XRRA1: variants seen among roughly 807,000 people sequenced by gnomAD.
XRRA1 encodes the protein X-ray radiation resistance associated 1.
Under a neutral mutation model 80.2 loss-of-function variants are expected in XRRA1, and 69 were observed. That is an observed-to-expected ratio of 0.86 (90% CI 0.71 to 1.05). The LOEUF (loss-of-function observed/expected upper bound fraction) is 1.05. Among genes scored for constraint, XRRA1 ranks in the 50% least tolerant of loss-of-function variants. The pLI is 0.00. For synonymous variants in XRRA1, 348 were observed against 389.9 expected, an observed-to-expected ratio of 0.89 and a Z score of 1.27; for missense variants, 967 against 976.4, an observed-to-expected ratio of 0.99 and a Z score of 0.13.
At chr11:74,902,665 A>AT (rs1208822287) in intron 10 of XRRA1, among the ~76,000 whole-genome samples, 1 of 152,220 alleles carries the variant, frequency 6.6e-6, no homozygotes, top group Non-Finnish European at 1.5e-5. Context: ...TAAGCCAGGC[A>AT]CAGAAGGACA....
chr11:74,846,679 A>C (rs775116195), intron 15 of XRRA1, among the ~76,000 whole-genome samples: 3 of 152,198 alleles, frequency 2.0e-5, no homozygotes, highest in African/African-American at 7.2e-5. Flanking sequence ...ATCTCAGTAG[A>C]CATAGGAAAA....
chr11:74,882,793 C>T (rs1380550151), intron 10 of XRRA1, among the ~76,000 whole-genome samples: 1 of 152,218 alleles, frequency 6.6e-6, no homozygotes, highest in African/African-American at 2.4e-5. Context: ...TGTGCCCCTG[C>T]TGGGGGGGTG....
chr11:74,867,616 G>T (rs1222483466), intron 10 of XRRA1, among the ~76,000 whole-genome samples: 1 of 152,192 alleles, frequency 6.6e-6, no homozygotes, highest in African/African-American at 2.4e-5. Flanking sequence ...TCCCTGAAAT[G>T]CAAGGAGAGA....
intron 6 of XRRA1, among the ~76,000 whole-genome samples, chr11:74,930,047 G>C (rs1943147842): frequency 6.6e-6 from 1 of 151,936 alleles, no homozygotes; most frequent in African/African-American, 2.4e-5. Flanking sequence ...TCCTGCAAGG[G>C]GAGGAAAAAA....
intron 10 of XRRA1, among the ~76,000 whole-genome samples, chr11:74,905,389 C>T (rs1177861633): frequency 6.6e-6 from 1 of 152,156 alleles, no homozygotes; most frequent in African/African-American, 2.4e-5. Context: ...TGAAATCCAT[C>T]TTTCTTTATT....
intron 12 of XRRA1, among the ~76,000 whole-genome samples, chr11:74,855,868 C>T (rs2040961884): frequency 1.3e-5 from 2 of 152,178 alleles, no homozygotes; most frequent in Non-Finnish European, 2.9e-5. Flanking sequence ...GGTGTGGTGG[C>T]TCACGCCTGT....
intron 10 of XRRA1, among the ~76,000 whole-genome samples, chr11:74,886,501 C>T (rs902341592): frequency 7.9e-5 from 12 of 151,576 alleles, no homozygotes; most frequent in African/African-American, 2.9e-4. Flanking sequence ...AATACAGCTA[C>T]GAGGAAGGTG....
At chr11:74,903,030 T>C (rs923624668) in intron 10 of XRRA1, among the ~76,000 whole-genome samples, 1 of 152,184 alleles carries the variant, frequency 6.6e-6, no homozygotes, top group Admixed American at 6.5e-5. Context: ...AATATCACTT[T>C]ACACCTACCC....
intron 2 of XRRA1, 144 bp from the exon 3 acceptor site, chr11:74,941,026 C>T (rs1946237233): frequency 1.6e-6 from 1 of 617,016 alleles, no homozygotes; most frequent in Admixed American, 2.8e-5. Context: ...CCCCACTGCC[C>T]TTGCTTCAGA....
In XRRA1 at chr11:74,884,151, A is replaced by C. The variant is rs116657805; in HGVS notation, c.1004-21130T>G. Among the ~76,000 whole-genome samples the C allele has an allele frequency of 2.5e-3, 377 of 152,268 alleles. 1 individual carries two copies. Among genetic ancestry groups the C allele is most frequent in the African/African-American group, 8.5e-3 (353 of 41,534 alleles). ...TGCACTCCATCCTGGGTGACAAAGC[A>C]TTACTCTGTCTCAAAAAAAAAATTA... On this transcript the variant is annotated intron_variant, in intron 10 of 18. Transcript: ENST00000684022.
intron 1 of XRRA1, among the ~76,000 whole-genome samples, chr11:74,948,012 C>A (rs1292605818): frequency 6.6e-6 from 1 of 152,050 alleles, no homozygotes; most frequent in Non-Finnish European, 1.5e-5. Flanking sequence ...CACGCCCGGC[C>A]GAGATAATTA....
At chr11:74,894,856 G>A (rs2051835990) in intron 10 of XRRA1, among the ~76,000 whole-genome samples, 1 of 152,130 alleles carries the variant, frequency 6.6e-6, no homozygotes, top group African/African-American at 2.4e-5. Flanking sequence ...AATAAAAGAA[G>A]ATATAAAACT....
intron 7 of XRRA1, among the ~76,000 whole-genome samples, chr11:74,923,517 C>G (rs555757360): frequency 6.6e-6 from 1 of 152,210 alleles, no homozygotes; most frequent in Non-Finnish European, 1.5e-5. Flanking sequence ...TGGATTCTAT[C>G]TACCTCCTTA....
chr11:74,851,058 G>T lies in XRRA1; in HGVS notation c.1380+30C>A, dbSNP rs760665225. The T allele has an allele frequency of 2.5e-6, 4 of 1,571,222 alleles. No homozygotes were observed. In the South Asian group the frequency reaches 4.6e-5, roughly 18 times the overall value. On this transcript the variant is annotated intron_variant, in intron 14 of 18. Coordinates refer to ENST00000684022, the MANE Select transcript of XRRA1 (RefSeq NM_001378157.1). ...ATTATAATAGGCTGCACTCTTCCTG[G>T]GGGTGGGAGTCCTGCCTTGGAAGCC...
Position 74,927,335 on chromosome 11 carries a change from C to T in XRRA1, c.522+56G>A, listed in dbSNP as rs182595568. 1,781 of 908,216 alleles carry T rather than the reference C, an allele frequency of 2.0e-3. 4 individuals are homozygous for T. The highest frequency in any genetic ancestry group is 2.5e-3 in the Non-Finnish European group (1,443 of 587,680). The allele number at this position is 908,216 out of a possible 1,614,324, so 56.3% of individuals were successfully genotyped here. A position where few individuals can be genotyped will look rare whatever the true frequency, so the allele number is the denominator to read the frequency against. ...CAGTTATAATCAGTAAAGCTCTATG[C>T]TCATTCCTTACAGGGGAACTTGGTG... is the stretch of plus-strand genomic sequence containing the variant. On this transcript the variant is annotated intron_variant, in intron 7 of 18. Transcript: ENST00000684022.
chr11:74,943,046 G>C (rs1011635570), intron 2 of XRRA1, among the ~76,000 whole-genome samples: 2 of 152,206 alleles, frequency 1.3e-5, no homozygotes, highest in East Asian at 3.9e-4. Context: ...TGATGGGAGA[G>C]AGACTTCAAA....
At chr11:74,871,717 C>G (rs1264980801) in intron 10 of XRRA1, among the ~76,000 whole-genome samples, 1 of 152,204 alleles carries the variant, frequency 6.6e-6, no homozygotes, top group African/African-American at 2.4e-5. Context: ...ACTCTTACCC[C>G]TGCAGGAAAT....
intron 10 of XRRA1, among the ~76,000 whole-genome samples, chr11:74,889,977 C>T (rs1371618108): frequency 3.3e-5 from 5 of 152,294 alleles, no homozygotes; most frequent in East Asian, 1.9e-4. Flanking sequence ...CCACTGTCAA[C>T]ATTAAACAGA....
chr11:74,845,685 A>G (rs1018656968), intron 15 of XRRA1, among the ~76,000 whole-genome samples: 5 of 152,214 alleles, frequency 3.3e-5, no homozygotes, highest in African/African-American at 1.2e-4. Flanking sequence ...TCGGGGAACT[A>G]AAGATTGGTA....
Sources: allele counts gnomAD v4.1 joint callset (sites outside exome capture counted in the v4.1 genomes callset), GRCh38; gene constraint gnomAD v4.1.1; transcripts MANE v1.5; gene names NCBI Gene and HGNC (gene_info 2026-07-23, HGNC 2026-07-21).